ARID5B: variants seen among roughly 807,000 people sequenced by gnomAD.
ARID5B encodes AT-rich interaction domain 5B.
ARID5B carries 13 observed loss-of-function variants against 97.2 expected under a neutral mutation model. The ratio of observed to expected loss-of-function variants is 0.13; its 90% CI spans 0.09 to 0.21. The LOEUF is 0.21. Among genes scored for constraint, ARID5B ranks in the 10% least tolerant of loss-of-function variants. The probability of loss-of-function intolerance (pLI) is 1.00; values close to 1 mark genes in which losing one functional copy is unlikely to be tolerated. For synonymous variants in ARID5B, 556 were observed against 570.3 expected (o/e 0.97, Z 0.36); for missense variants, 1,210 against 1,465.3 (o/e 0.83, Z 2.84).
chr10:61,986,099 G>C (rs891647835), intron 3 of ARID5B, among the ~76,000 whole-genome samples: 1 of 152,062 alleles, frequency 6.6e-6, no homozygotes, highest in Non-Finnish European at 1.5e-5. Context: ...GAATCTGACA[G>C]GGCTCTTCTC....
chr10:62,009,665 A>G (rs116294636), intron 4 of ARID5B, among the ~76,000 whole-genome samples: 1 of 152,294 alleles, frequency 6.6e-6, no homozygotes, highest in African/African-American at 2.4e-5. Context: ...CCTAGAGCTA[A>G]GAGTCAGGAG....
Position 61,902,344 on chromosome 10 carries a change from T to TTTA in ARID5B, c.209_211dup (p.Leu70dup), listed in dbSNP as rs1843630449. Reference sequence around the variant, plus strand: ...GGGAAGAGAGGACCAGCCGGCAACTTTTATCCAGCTCTAAACTTTATTTCC... The same window carrying TTTA: ...GGGAAGAGAGGACCAGCCGGCAACTTTTATTATCCAGCTCTAAACTTTATTTCC... On this transcript the variant is annotated inframe_insertion, in exon 2 of 10. Coordinates refer to ENST00000279873, the MANE Select transcript of ARID5B (RefSeq NM_032199.3). 1 of 1,613,980 alleles carries TTTA rather than the reference T, an allele frequency of 6.2e-7. No homozygotes were observed.
chr10:62,049,356 C>G (rs1839754588), intron 4 of ARID5B: 2 of 1,540,798 alleles, frequency 1.3e-6, no homozygotes, highest in East Asian at 2.5e-5. Flanking sequence ...CCTCGCAGCT[C>G]GCATTCGGAG....
At chr10:62,037,192 T>C (rs975179205) in intron 4 of ARID5B, among the ~76,000 whole-genome samples, 2 of 152,330 alleles carry the variant, frequency 1.3e-5, no homozygotes, top group South Asian at 4.1e-4. Flanking sequence ...GTATTAGCAA[T>C]GTTGCAAGAG....
In ARID5B at chr10:62,094,842, TAATTCTGGGAAAATTGGTGAC is replaced by T. The variant is rs1204498087; in HGVS notation, c.*1817_*1837del. The T allele has an allele frequency of 1.3e-5, 3 of 230,998 alleles. No homozygotes were observed. The highest frequency in any genetic ancestry group is 2.6e-5 in the Non-Finnish European group (3 of 116,514). The allele number at this position is 230,998 out of a possible 1,614,324, so 14.3% of individuals were successfully genotyped here. On this transcript the variant is annotated 3_prime_UTR_variant, in exon 10 of 10. Transcript: ENST00000279873. ...CTAAGTCTTTTACCTCTGAGATACT[TAATTCTGGGAAAATTGGTGAC>T]AATTTTCAACTTCTAAATAGGTAAC...
chr10:62,008,817 A>C (rs530353291), intron 4 of ARID5B, among the ~76,000 whole-genome samples: 1 of 152,304 alleles, frequency 6.6e-6, no homozygotes, highest in East Asian at 1.9e-4. Flanking sequence ...CTGTGTTCTC[A>C]TGGACTCTGT....
At chr10:62,036,555 C>A (rs570259791) in intron 4 of ARID5B, among the ~76,000 whole-genome samples, 2 of 152,228 alleles carry the variant, frequency 1.3e-5, no homozygotes, top group African/African-American at 4.8e-5. Flanking sequence ...TTCATGCACT[C>A]CAAGTGAGCT....
chr10:61,901,906 A>T (rs1219168615), intron 1 of ARID5B, among the ~76,000 whole-genome samples, 176 bp downstream of exon 1: 1 of 151,296 alleles, frequency 6.6e-6, no homozygotes, highest in East Asian at 1.9e-4. Flanking sequence ...CACTGATCAT[A>T]CATACATAAT....
intron 3 of ARID5B, among the ~76,000 whole-genome samples, chr10:61,989,280 G>A (rs968163808): frequency 1.3e-5 from 2 of 152,052 alleles, no homozygotes; most frequent in African/African-American, 4.8e-5. Context: ...GATATACTGG[G>A]TTAGATAAAA....
At chr10:61,984,842 C>T (rs1283137374) in intron 3 of ARID5B, among the ~76,000 whole-genome samples, 2 of 152,156 alleles carry the variant, frequency 1.3e-5, no homozygotes, top group Admixed American at 1.3e-4. Context: ...AGATTCTCCT[C>T]TCTCCTTCTG....
intron 8 of ARID5B, among the ~76,000 whole-genome samples, chr10:62,075,234 G>A (rs1057408012): frequency 9.2e-5 from 14 of 152,204 alleles, no homozygotes; most frequent in African/African-American, 2.2e-4. Flanking sequence ...CCGTCTGTGC[G>A]CTTCCTGACC....
At chr10:61,945,453 A>G (rs1462082911) in intron 3 of ARID5B, among the ~76,000 whole-genome samples, 3 of 152,214 alleles carry the variant, frequency 2.0e-5, no homozygotes. Flanking sequence ...GGTGACATGA[A>G]AAGAACACAA....
chr10:61,955,860 A>G (rs1838385010), intron 3 of ARID5B, among the ~76,000 whole-genome samples: 1 of 152,166 alleles, frequency 6.6e-6, no homozygotes, highest in Admixed American at 6.5e-5. Flanking sequence ...CATGCTGGCC[A>G]GGCTGGTCTC....
chr10:61,912,272 TGTTG>T (rs974198116), intron 2 of ARID5B, among the ~76,000 whole-genome samples: 4 of 152,150 alleles, frequency 2.6e-5, no homozygotes, highest in Admixed American at 1.3e-4. Flanking sequence ...ATATATAGGG[TGTTG>T]GTCAAAAGGT....
At position 62,059,304 on chromosome 10, in the gene ARID5B, T is replaced by TTAAGAGGATGGGGATCGAGGA; in HGVS notation, c.1101+13_1101+14insAGGATGGGGATCGAGGATAAG. ...TGGGAGGATATGAAACAGTAAGTGT[T>TTAAGAGGATGGGGATCGAGGA]TAAGCAACTTAAATGAAATAATTTT... On this transcript the variant is annotated intron_variant, in intron 7 of 9. Transcript: ENST00000279873. The TTAAGAGGATGGGGATCGAGGA allele has an allele frequency of 6.2e-7, 1 of 1,609,982 alleles. No homozygotes were observed. Among genetic ancestry groups the TTAAGAGGATGGGGATCGAGGA allele is most frequent in the East Asian group, 2.2e-5 (1 of 44,826 alleles).
intron 3 of ARID5B, among the ~76,000 whole-genome samples, chr10:61,955,717 C>T (rs553409385): frequency 6.6e-6 from 1 of 152,328 alleles, no homozygotes; most frequent in South Asian, 2.1e-4. Context: ...GTGGCCCAAT[C>T]TCAGCTCACT....
At chr10:61,908,559 G>A (rs1009509756) in intron 2 of ARID5B, among the ~76,000 whole-genome samples, 1 of 152,058 alleles carries the variant, frequency 6.6e-6, no homozygotes, top group Non-Finnish European at 1.5e-5. Flanking sequence ...TGTAATCCCA[G>A]CACTTTGAGA....
chr10:61,953,170 A>C (rs561717012), intron 3 of ARID5B, among the ~76,000 whole-genome samples: 1 of 152,208 alleles, frequency 6.6e-6, no homozygotes, highest in Non-Finnish European at 1.5e-5. Context: ...GATATTCTCC[A>C]TCTTCCAACT....
intron 4 of ARID5B, among the ~76,000 whole-genome samples, chr10:62,002,328 C>T (rs557144567): frequency 9.9e-5 from 15 of 152,194 alleles, no homozygotes; most frequent in African/African-American, 3.4e-4. Flanking sequence ...CCTGAACTTT[C>T]TTCTGGTATA....
Sources: allele counts gnomAD v4.1 joint callset (sites outside exome capture counted in the v4.1 genomes callset), GRCh38; gene constraint gnomAD v4.1.1; transcripts MANE v1.5; gene names NCBI Gene and HGNC (gene_info 2026-07-23, HGNC 2026-07-21).